SERINC3: variants seen among roughly 807,000 people sequenced by gnomAD.
SERINC3 encodes the protein tumor differentially expressed protein 1.
A neutral mutation model predicts 52.1 loss-of-function variants in SERINC3; 22 were observed. That is an observed-to-expected ratio of 0.42 (90% confidence interval 0.30 to 0.60). The LOEUF is 0.60. Among genes scored for constraint, SERINC3 ranks in the 20% least tolerant of loss-of-function variants. SERINC3 has a pLI of 0.16. For synonymous variants in SERINC3, 226 were observed against 212.7 expected (o/e 1.06, Z -0.54); for missense variants, 564 against 584.6 (o/e 0.96, Z 0.36).
intron 1 of SERINC3, among the ~76,000 whole-genome samples, chr20:44,521,656 C>A (rs1235317005): frequency 1.3e-5 from 2 of 152,256 alleles, no homozygotes; most frequent in Non-Finnish European, 2.9e-5. Flanking sequence ...AGTCAGGAAG[C>A]CTCGCAGGGC....
intron 6 of SERINC3, among the ~76,000 whole-genome samples, chr20:44,505,482 G>A (rs1042662976): frequency 3.3e-5 from 5 of 149,812 alleles, no homozygotes; most frequent in African/African-American, 7.4e-5. Context: ...CACCACACCC[G>A]GCTAATTTTT....
chr20:44,496,279 T>C (rs535997964), downstream of SERINC3: 28 of 152,476 alleles, frequency 1.8e-4, no homozygotes, highest in African/African-American at 6.7e-4. Flanking sequence ...TTTCTATTAT[T>C]CTTCTTCACC....
chr20:44,521,456 C>A (rs1218860072), intron 1 of SERINC3, among the ~76,000 whole-genome samples: 1 of 152,242 alleles, frequency 6.6e-6, no homozygotes, highest in Non-Finnish European at 1.5e-5. Flanking sequence ...GAACTGCAGA[C>A]AAGCCTCCGC....
intron 8 of SERINC3, 123 bp downstream of exon 8, chr20:44,503,692 G>T (rs1287187883): frequency 2.7e-6 from 2 of 744,530 alleles, no homozygotes; most frequent in Non-Finnish European, 4.3e-6. Flanking sequence ...AGCAAGTAAA[G>T]AACTTTTCAT....
chr20:44,498,101 G>A lies in SERINC3; in HGVS notation c.*2195C>T, dbSNP rs548181053. Reference sequence around the variant, plus strand: ...CAAAGCTGGGATGCAAACCCAAGCAGTCTGACTCCCAAGCCTCTTAACCAT... The same window carrying A: ...CAAAGCTGGGATGCAAACCCAAGCAATCTGACTCCCAAGCCTCTTAACCAT... On this transcript the variant is annotated 3_prime_UTR_variant, in exon 10 of 10. Transcript: ENST00000342374. 1 of 152,210 alleles carries A rather than the reference G, an allele frequency of 6.6e-6. No individual in the cohort carries two copies. The highest frequency in any genetic ancestry group is 1.5e-5 in the Non-Finnish European group (1 of 68,052). 9.4% of individuals were successfully genotyped at this position (152,210 alleles called of 1,614,324 possible).
intron 1 of SERINC3, among the ~76,000 whole-genome samples, chr20:44,515,857 T>C (rs75368558): frequency 6.6e-6 from 1 of 152,004 alleles, no homozygotes; most frequent in African/African-American, 2.4e-5. Context: ...GGTTTTGTCA[T>C]GTTGCCCAGG....
At chr20:44,507,038 AAACT>A in intron 5 of SERINC3, 42 bp from the exon 6 acceptor site, 2 of 1,427,290 alleles carry the variant, frequency 1.4e-6, no homozygotes, top group Non-Finnish European at 1.9e-6. Context: ...CAACTATAAT[AAACT>A]AATAATGAAG....
chr20:44,508,071 A>G (rs931889464), intron 5 of SERINC3, among the ~76,000 whole-genome samples: 1 of 152,238 alleles, frequency 6.6e-6, no homozygotes, highest in African/African-American at 2.4e-5. Context: ...TTAAGTTACT[A>G]GCACACTTAA....
Position 44,509,885 on chromosome 20 carries a change from A to G in SERINC3, c.613+6T>C. 1 of 1,614,020 alleles carries G rather than the reference A, an allele frequency of 6.2e-7. No homozygotes were observed. Among genetic ancestry groups the G allele is most frequent in the Non-Finnish European group, 8.5e-7 (1 of 1,179,880 alleles). On this transcript the variant is annotated splice_donor_region_variant and intron_variant, in intron 5 of 9. Coordinates refer to ENST00000342374, the MANE Select transcript of SERINC3 (RefSeq NM_006811.4). ...ATGGCTAACATAGGTGAGTAGAGAT[A>G]CCTACCAGCATACCACAACCTTGGG...
chr20:44,500,579 G>A (rs2064273609), intron 9 of SERINC3, 145 bp from the exon 10 acceptor site: 1 of 806,214 alleles, frequency 1.2e-6, no homozygotes, highest in Non-Finnish European at 2.0e-6. Flanking sequence ...GGGACCAGAG[G>A]AAGCTGCTAT....
chr20:44,510,563 C>T (rs2064340835), intron 4 of SERINC3, among the ~76,000 whole-genome samples: 1 of 152,176 alleles, frequency 6.6e-6, no homozygotes, highest in African/African-American at 2.4e-5. Context: ...CCTGTAATCC[C>T]AGCACTTCAG....
At chr20:44,513,293 G>A (rs1405680420) in intron 2 of SERINC3, among the ~76,000 whole-genome samples, 3 of 152,100 alleles carry the variant, frequency 2.0e-5, no homozygotes, top group Non-Finnish European at 2.9e-5. Flanking sequence ...AGACCACCCT[G>A]GCCAGCATGG....
intron 3 of SERINC3, among the ~76,000 whole-genome samples, chr20:44,512,366 TA>T (rs2064353491): frequency 7.3e-6 from 1 of 136,350 alleles, no homozygotes; most frequent in Non-Finnish European, 1.6e-5. Context: ...GAAACATAGG[TA>T]AAAGGTGGTC....
intron 4 of SERINC3, among the ~76,000 whole-genome samples, chr20:44,510,640 C>T (rs566451506): frequency 3.8e-4 from 57 of 151,988 alleles, no homozygotes; most frequent in African/African-American, 1.3e-3. Flanking sequence ...GGTGAAACCC[C>T]GTCTCTGCCT....
At chr20:44,514,187 G>A (rs1003699833) in intron 1 of SERINC3, 147 bp from the exon 2 acceptor site, 4 of 782,162 alleles carry the variant, frequency 5.1e-6, no homozygotes, top group Non-Finnish European at 7.7e-6. Context: ...TAAAAGTACG[G>A]GCTCTGGAGT....
chr20:44,512,768 T>A (rs2064356283), intron 3 of SERINC3, 33 bp downstream of exon 3: 1 of 1,511,494 alleles, frequency 6.6e-7, no homozygotes, highest in African/African-American at 1.4e-5. Flanking sequence ...AGCCACACCA[T>A]AATGTAACCA....
rs905455604 is a variant in SERINC3, at chr20:44,521,967, G to A, written c.-16C>T. On this transcript the variant is annotated 5_prime_UTR_variant, in exon 1 of 10. Transcript: ENST00000342374. ...CAGCCCCCATGGTGACGCCAGTGAT[G>A]GAGGTGGCCGGTCCTGAGGCTGCTT... The A allele has an allele frequency of 6.2e-7, 1 of 1,607,536 alleles. No individual in the cohort carries two copies.
intron 2 of SERINC3, 26 bp from the exon 3 acceptor site, chr20:44,513,020 C>T (rs745998954): frequency 1.8e-5 from 26 of 1,439,494 alleles, no homozygotes; most frequent in African/African-American, 1.0e-4. Context: ...TTCAATGTTA[C>T]GAGAATATCT....
rs1218456238 is a variant in SERINC3, at chr20:44,520,200, A to ATCCCG, written c.39+1708_39+1712dup. 1.2e-4 allele frequency among the ~76,000 whole-genome samples: 18 copies of ATCCCG among 152,148 alleles called. 1 individual carries two copies. The highest frequency in any genetic ancestry group is 1.1e-3 in the Admixed American group (17 of 15,280). The stretch of plus-strand genomic sequence containing the variant: ...AGACCAGCCTGGCCAACATGGCGAA[A>ATCCCG]TCCCGTCTTTATTGAAAATACAAAA... On this transcript the variant is annotated intron_variant, in intron 1 of 9. Transcript: ENST00000342374.
Sources: allele counts gnomAD v4.1 joint callset (sites outside exome capture counted in the v4.1 genomes callset), GRCh38; gene constraint gnomAD v4.1.1; transcripts MANE v1.5; gene names NCBI Gene and HGNC (gene_info 2026-07-23, HGNC 2026-07-21).